Variants in PEBP4 observed in about 807,000 individuals in gnomAD.
The protein encoded by PEBP4 is phosphatidylethanolamine-binding protein 4.
In PEBP4, 22 loss-of-function variants were observed where a neutral mutation model predicts 23.9. The ratio of observed to expected loss-of-function variants is 0.92; its 90% confidence interval spans 0.66 to 1.31. PEBP4 has a LOEUF of 1.31. Among genes scored for constraint, PEBP4 ranks in the 40% most tolerant of loss-of-function variants. The probability of loss-of-function intolerance (pLI) is 0.00; values close to 1 mark genes in which losing one functional copy is unlikely to be tolerated. For synonymous variants in PEBP4, 112 were observed against 99.3 expected (o/e 1.13, Z -0.76); for missense variants, 324 against 281.7 (o/e 1.15, Z -1.07).
rs1805797472 is a variant in PEBP4 at position 22,775,487 on chromosome 8, G to T, written c.357+42150C>A. Among the ~76,000 whole-genome samples the T allele has an allele frequency of 6.6e-6, 1 of 152,136 alleles. No individual in the cohort carries two copies. The highest frequency in any genetic ancestry group is 2.4e-5 in the African/African-American group (1 of 41,416). ...GTGGTGTTCACGTATGGAGGGGGGGGATTTCTTTTTAAGAGACAAGGTGGG... is the reference window on the plus strand; with the variant it reads ...GTGGTGTTCACGTATGGAGGGGGGGTATTTCTTTTTAAGAGACAAGGTGGG... On this transcript the variant is annotated intron_variant, in intron 4 of 6. Transcript: ENST00000256404. This position sits in a 1 kb window ranked among gnomAD's most constrained non-coding sequence, Gnocchi z 4.8.
At chr8:22,892,947 A>G (rs1372154862) in intron 3 of PEBP4, among the ~76,000 whole-genome samples, 1 of 152,176 alleles carries the variant, frequency 6.6e-6, no homozygotes, top group Non-Finnish European at 1.5e-5. Context: ...CTCAAGTCCA[A>G]GGGGGTTAAG....
At chr8:22,740,049 G>A (rs1049194714) in intron 4 of PEBP4, among the ~76,000 whole-genome samples, 2 of 152,090 alleles carry the variant, frequency 1.3e-5, no homozygotes, top group Admixed American at 1.3e-4. Context: ...TCCATACTTG[G>A]CTCTGGTGGG....
chr8:22,736,552 C>T (rs1489337680), intron 4 of PEBP4, among the ~76,000 whole-genome samples: 1 of 152,148 alleles, frequency 6.6e-6, no homozygotes, highest in Non-Finnish European at 1.5e-5. Context: ...CTGTAGTGAG[C>T]TATATTGTTG....
chr8:22,736,599 G>A (rs187431415), intron 4 of PEBP4, among the ~76,000 whole-genome samples: 58 of 152,080 alleles, frequency 3.8e-4, no homozygotes, highest in African/African-American at 1.1e-3. Flanking sequence ...AGAGTGACTC[G>A]GTCTCAAAAA....
At chr8:22,741,751 T>TC (rs1162063790) in intron 4 of PEBP4, among the ~76,000 whole-genome samples, 1 of 151,960 alleles carries the variant, frequency 6.6e-6, no homozygotes, top group Non-Finnish European at 1.5e-5. Context: ...AGCGCCACCG[T>TC]CCCCCCGGCA....
chr8:22,785,614 C>G (rs975207244), intron 4 of PEBP4, among the ~76,000 whole-genome samples: 1 of 152,124 alleles, frequency 6.6e-6, no homozygotes, highest in East Asian at 1.9e-4. Context: ...AGGGGTGATC[C>G]AGGGTGTGAA....
At chr8:22,872,194 A>G (rs371236695) in intron 3 of PEBP4, among the ~76,000 whole-genome samples, 1 of 152,124 alleles carries the variant, frequency 6.6e-6, no homozygotes, top group East Asian at 1.9e-4. Context: ...CATTCTTATG[A>G]TATATGTATG....
chr8:22,921,356 C>T (rs933765554), intron 2 of PEBP4, among the ~76,000 whole-genome samples: 2 of 152,204 alleles, frequency 1.3e-5, no homozygotes, highest in African/African-American at 4.8e-5. Context: ...CCGGTAGCCA[C>T]CCACAGCGGT....
At chr8:22,877,773 T>A (rs917351047) in intron 3 of PEBP4, among the ~76,000 whole-genome samples, 4 of 152,072 alleles carry the variant, frequency 2.6e-5, no homozygotes, top group African/African-American at 9.7e-5. Flanking sequence ...CGGCAGAACA[T>A]GAGCTGCTTA....
chr8:22,778,874 G>A (rs961099282), intron 4 of PEBP4, among the ~76,000 whole-genome samples: 6 of 152,152 alleles, frequency 3.9e-5, no homozygotes, highest in South Asian at 2.1e-4. Context: ...TTAGTGCCCC[G>A]CACAGTCAGG....
At chr8:22,904,927 A>T (rs1273766202) in intron 3 of PEBP4, among the ~76,000 whole-genome samples, 1 of 152,226 alleles carries the variant, frequency 6.6e-6, no homozygotes, top group African/African-American at 2.4e-5. Context: ...TTTAAATAAT[A>T]CTACAATGAA....
chr8:22,745,844 C>T (rs566644456), intron 4 of PEBP4: 4 of 152,338 alleles, frequency 2.6e-5, no homozygotes, highest in African/African-American at 4.8e-5. Context: ...CACAACAGCC[C>T]GCGAGGCAGG....
In PEBP4 at chr8:22,713,352, G is replaced by T. The variant is rs751148707; in HGVS notation, c.*18C>A. The T allele has an allele frequency of 1.6e-4, 255 of 1,563,546 alleles. No homozygotes were observed. Among genetic ancestry groups the T allele is most frequent in the Non-Finnish European group, 1.9e-4 (224 of 1,155,254 alleles). On this transcript the variant is annotated 3_prime_UTR_variant, in exon 7 of 7. Coordinates refer to ENST00000256404, the MANE Select transcript of PEBP4 (RefSeq NM_144962.3). ...GGTGGGCAGTGTGGCCACATGCCCGGATGGCAAAGCCGGCTATCTAGCAGG... is the reference window on the plus strand; with the variant it reads ...GGTGGGCAGTGTGGCCACATGCCCGTATGGCAAAGCCGGCTATCTAGCAGG...
intron 4 of PEBP4, among the ~76,000 whole-genome samples, chr8:22,756,346 G>C (rs1047108487): frequency 4.6e-5 from 7 of 152,226 alleles, no homozygotes; most frequent in African/African-American, 1.7e-4. Flanking sequence ...ACCCCGGACA[G>C]CCCCAGCTCA....
chr8:22,925,132 T>A, intron 2 of PEBP4: 1 of 985,396 alleles, frequency 1.0e-6, no homozygotes. Flanking sequence ...TTCATCATCA[T>A]TCATGATGCT....
At chr8:22,900,999 G>T (rs1162590587) in intron 3 of PEBP4, among the ~76,000 whole-genome samples, 1 of 152,224 alleles carries the variant, frequency 6.6e-6, no homozygotes, top group Non-Finnish European at 1.5e-5. Context: ...ACAGATGACA[G>T]GAGGATGATA....
chr8:22,822,525 T>TTTC (rs776104417), intron 3 of PEBP4, among the ~76,000 whole-genome samples: 6 of 152,116 alleles, frequency 3.9e-5, no homozygotes, highest in Non-Finnish European at 8.8e-5. Flanking sequence ...TCTCTTTTCC[T>TTTC]TTCTTCTTCT....
chr8:22,883,347 C>T (rs1186529727), intron 3 of PEBP4, among the ~76,000 whole-genome samples: 1 of 152,192 alleles, frequency 6.6e-6, no homozygotes, highest in Non-Finnish European at 1.5e-5. Context: ...CACATCACCA[C>T]TGCTTTGCAT....
chr8:22,733,777 G>T (rs990899278), intron 4 of PEBP4, among the ~76,000 whole-genome samples: 2 of 132,530 alleles, frequency 1.5e-5, no homozygotes, highest in Non-Finnish European at 3.2e-5. Flanking sequence ...AAATGTAGGG[G>T]TGGGGATGGG....
Sources: gnomAD v4.1 joint callset for allele counts (sites outside exome capture counted in the v4.1 genomes callset) on GRCh38, gnomAD v4.1.1 for gene constraint, Gnocchi (gnomAD v3.1) non-coding constraint, MANE v1.5 for transcripts, NCBI Gene and HGNC (gene_info 2026-07-23, HGNC 2026-07-21) for gene names.